The following EPHB1 variants were observed in gnomAD, a reference collection of about 807,000 sequenced individuals.
EPHB1 encodes ephrin type-B receptor 1.
Under a neutral mutation model 94.4 loss-of-function variants are expected in EPHB1, and 30 were observed. That is an observed-to-expected ratio of 0.32 (90% CI 0.24 to 0.43). The LOEUF is 0.43. Among genes scored for constraint, EPHB1 ranks in the 20% least tolerant of loss-of-function variants. The pLI, the probability that EPHB1 is intolerant of heterozygous loss-of-function variation, is 1.00. For synonymous variants in EPHB1, 522 were observed against 489.1 expected, an observed-to-expected ratio of 1.07 and a Z score of -0.89; for missense variants, 1,055 against 1,308.3, an observed-to-expected ratio of 0.81 and a Z score of 2.99.
intron 3 of EPHB1, among the ~76,000 whole-genome samples, chr3:135,087,226 C>T (rs1301987253): frequency 6.6e-6 from 1 of 152,112 alleles, no homozygotes; most frequent in Non-Finnish European, 1.5e-5. Flanking sequence ...TTTTAGCCCC[C>T]ACTGATGAAT....
At chr3:135,136,046 G>A (rs901746008) in intron 5 of EPHB1, among the ~76,000 whole-genome samples, 5 of 152,152 alleles carry the variant, frequency 3.3e-5, no homozygotes, top group African/African-American at 1.2e-4. Context: ...AAGGGATTTG[G>A]AGAATCTAGG....
chr3:135,041,466 A>G (rs548965535), intron 3 of EPHB1, among the ~76,000 whole-genome samples: 1 of 152,250 alleles, frequency 6.6e-6, no homozygotes, highest in East Asian at 1.9e-4. Flanking sequence ...CACTTGTGCA[A>G]AGAACCCCAT....
intron 2 of EPHB1, among the ~76,000 whole-genome samples, chr3:134,949,755 A>G (rs1223421554): frequency 2.6e-5 from 4 of 152,136 alleles, no homozygotes; most frequent in Non-Finnish European, 5.9e-5. Context: ...GGCAAACAGA[A>G]TATAAGTTTA....
At chr3:134,957,070 T>C (rs1043084469) in intron 3 of EPHB1, among the ~76,000 whole-genome samples, 2 of 152,120 alleles carry the variant, frequency 1.3e-5, no homozygotes, top group African/African-American at 4.8e-5. Context: ...AGGTGGTCTT[T>C]GTGAAATGAA....
chr3:135,247,027 T>TTAAG (rs1196990053), intron 13 of EPHB1, among the ~76,000 whole-genome samples: 2 of 152,208 alleles, frequency 1.3e-5, no homozygotes, highest in Non-Finnish European at 2.9e-5. Context: ...TCATTATTTT[T>TTAAG]TAAGTAGAGG....
At chr3:134,839,737 G>C (rs1333797546) in intron 1 of EPHB1, among the ~76,000 whole-genome samples, 1 of 152,212 alleles carries the variant, frequency 6.6e-6, no homozygotes, top group East Asian at 1.9e-4. Context: ...TCAGACACAT[G>C]CTGAGTGTTT....
At chr3:135,178,354 G>A (rs765579850) in intron 9 of EPHB1, among the ~76,000 whole-genome samples, 40 of 151,500 alleles carry the variant, frequency 2.6e-4, no homozygotes, top group Non-Finnish European at 5.4e-4. Flanking sequence ...TACTCAGGAG[G>A]CTGCGGCAGA....
intron 11 of EPHB1, 70 bp from the exon 12 acceptor site, chr3:135,201,404 A>G (rs1477935547): frequency 7.9e-6 from 12 of 1,523,214 alleles, no homozygotes; most frequent in Non-Finnish European, 1.1e-5. Context: ...CAGCAGGGCC[A>G]CAACATCTCT....
intron 1 of EPHB1, among the ~76,000 whole-genome samples, chr3:134,832,957 G>A (rs2036605517): frequency 1.3e-5 from 2 of 152,324 alleles, no homozygotes; most frequent in Non-Finnish European, 2.9e-5. Flanking sequence ...TATTGGTTAG[G>A]TCTTAGCAAT....
intron 9 of EPHB1, among the ~76,000 whole-genome samples, chr3:135,174,831 GCC>G: frequency 6.6e-6 from 1 of 152,142 alleles, no homozygotes; most frequent in African/African-American, 2.4e-5. Flanking sequence ...AGAACAAAAA[GCC>G]ACACTTTCTC....
chr3:134,935,627 AAGACTC>A (rs1242282510), intron 2 of EPHB1, among the ~76,000 whole-genome samples: 3 of 152,178 alleles, frequency 2.0e-5, no homozygotes, highest in Non-Finnish European at 2.9e-5. Context: ...TGTAAACTGT[AAGACTC>A]AGTGCAGTAC....
intron 3 of EPHB1, among the ~76,000 whole-genome samples, chr3:135,027,923 A>T (rs1240404917): frequency 7.1e-6 from 1 of 140,774 alleles, no homozygotes; most frequent in Non-Finnish European, 1.6e-5. Context: ...GTCTATTCAG[A>T]GATTCAACTT....
chr3:135,237,768 C>A (rs142970126), intron 12 of EPHB1, among the ~76,000 whole-genome samples: 53 of 152,310 alleles, frequency 3.5e-4, no homozygotes, highest in African/African-American at 1.2e-3. Flanking sequence ...CCTCACCACC[C>A]AATGGAGCAA....
chr3:135,164,269 T>C (rs937152273), intron 7 of EPHB1, among the ~76,000 whole-genome samples: 4 of 152,228 alleles, frequency 2.6e-5, no homozygotes, highest in Non-Finnish European at 4.4e-5. Context: ...TTTAAAATTC[T>C]AGAGAATGGG....
chr3:134,942,368 A>AT (rs2039136817), intron 2 of EPHB1, among the ~76,000 whole-genome samples: 1 of 152,222 alleles, frequency 6.6e-6, no homozygotes, highest in South Asian at 2.1e-4. Context: ...AGAGAATTCA[A>AT]TGACGAAACA....
At chr3:134,850,491 G>A (rs374130226) in intron 1 of EPHB1, among the ~76,000 whole-genome samples, 1 of 152,228 alleles carries the variant, frequency 6.6e-6, no homozygotes. Context: ...CCCGGCCTGA[G>A]GGAAATGGGG....
At chr3:135,059,392 CCCCAT>C (rs1426749317) in intron 3 of EPHB1, among the ~76,000 whole-genome samples, 1 of 152,170 alleles carries the variant, frequency 6.6e-6, no homozygotes, top group Non-Finnish European at 1.5e-5. Flanking sequence ...TGGCGGCTCA[CCCCAT>C]TACAGGAAGG....
chr3:134,848,300 C>T (rs1174126471), intron 1 of EPHB1, among the ~76,000 whole-genome samples: 1 of 152,096 alleles, frequency 6.6e-6, no homozygotes. Flanking sequence ...GGGCATGTCT[C>T]CATGAAGCAT....
chr3:134,948,860 A>G (rs1030820747), intron 2 of EPHB1, among the ~76,000 whole-genome samples: 1 of 152,244 alleles, frequency 6.6e-6, no homozygotes, highest in Non-Finnish European at 1.5e-5. Flanking sequence ...ATGGACTAAT[A>G]TGCTATGATA....
Sources: gnomAD v4.1 joint callset for allele counts (sites outside exome capture counted in the v4.1 genomes callset) on GRCh38, gnomAD v4.1.1 for gene constraint, MANE v1.5 for transcripts, NCBI Gene and HGNC (gene_info 2026-07-23, HGNC 2026-07-21) for gene names.